The following PTPRG variants were observed in gnomAD, a reference collection of about 807,000 sequenced individuals.
PTPRG encodes receptor-type tyrosine-protein phosphatase gamma.
Under a neutral mutation model 165.3 loss-of-function variants are expected in PTPRG, and 102 were observed. The ratio of observed to expected loss-of-function variants is 0.62; its 90% CI spans 0.53 to 0.73. PTPRG has a LOEUF of 0.73. PTPRG is among the 30% of genes least tolerant of loss of function. PTPRG has a pLI of 0.00. For missense variants in PTPRG, 1,866 were observed against 1,861.4 expected, an observed-to-expected ratio of 1.00 and a Z score of -0.05; for synonymous variants, 675 against 669.5, an observed-to-expected ratio of 1.01 and a Z score of -0.13.
At chr3:61,649,187 T>C (rs1029194113) in intron 1 of PTPRG, among the ~76,000 whole-genome samples, 1 of 151,520 alleles carries the variant, frequency 6.6e-6, no homozygotes, top group African/African-American at 2.4e-5. Flanking sequence ...TTCCTTCCTT[T>C]TTCTATTTTC....
intron 5 of PTPRG, among the ~76,000 whole-genome samples, chr3:62,110,053 T>A (rs1178309322): frequency 6.6e-6 from 1 of 151,656 alleles, no homozygotes; most frequent in Non-Finnish European, 1.5e-5. Flanking sequence ...GTTTCTTCCT[T>A]GTTCAGTAGC....
At chr3:62,220,042 A>C (rs1409842667) in intron 13 of PTPRG, among the ~76,000 whole-genome samples, 1 of 152,232 alleles carries the variant, frequency 6.6e-6, no homozygotes, top group Non-Finnish European at 1.5e-5. Flanking sequence ...AGGGAACCAA[A>C]TGGGCTCCAC....
chr3:62,256,564 C>T (rs1209013053), intron 16 of PTPRG, among the ~76,000 whole-genome samples: 4 of 152,144 alleles, frequency 2.6e-5, no homozygotes, highest in Non-Finnish European at 4.4e-5. Flanking sequence ...TTAAGTCAAA[C>T]ATTTTGTATT....
intron 6 of PTPRG, among the ~76,000 whole-genome samples, chr3:62,154,857 G>C (rs1430445181): frequency 1.3e-5 from 2 of 152,154 alleles, no homozygotes; most frequent in Admixed American, 1.3e-4. Flanking sequence ...GAGACATGAA[G>C]GTGGTAGTTT....
chr3:62,282,818 T>A lies in PTPRG; in HGVS notation c.4004T>A (p.Val1335Asp), dbSNP rs749196641. ...PISSTFELIN[V>D]IKEEALTRDG... ...AGTAGTACCTTTGAACTTATCAACG[T>A]CATCAAGGAAGAGGCCTTAACAAGG... Residue 1335 changes from valine to aspartate, a missense_variant, in exon 28 of 30, where the codon GTC (valine) becomes GAC (aspartate). Val to Asp is a radical substitution (Grantham distance 152). Coordinates refer to ENST00000474889, the MANE Select transcript of PTPRG (RefSeq NM_002841.4). The A allele has an allele frequency of 1.2e-6, 2 of 1,611,938 alleles. No homozygotes were observed. The highest frequency in any genetic ancestry group is 2.2e-5 in the South Asian group (2 of 90,876).
At chr3:61,873,344 A>G (rs2037634619) in intron 2 of PTPRG, among the ~76,000 whole-genome samples, 1 of 152,202 alleles carries the variant, frequency 6.6e-6, no homozygotes. Flanking sequence ...ATCAGTGTGG[A>G]TACATTTTTA....
At chr3:62,059,172 C>A (rs1700725899) in intron 4 of PTPRG, among the ~76,000 whole-genome samples, 1 of 152,224 alleles carries the variant, frequency 6.6e-6, no homozygotes, top group South Asian at 2.1e-4. Flanking sequence ...AATAGTAACA[C>A]CCGCTATGTA....
rs187253327 is a variant in PTPRG, at chr3:61,939,340, A to T, written c.191-50285A>T. On this transcript the variant is annotated intron_variant, in intron 2 of 29. Transcript: ENST00000474889. ...TGCCTCCCATAAGCTTAGAAAGAGG[A>T]TGCTTACATAGCAAAACTGAGTAAA... is the stretch of plus-strand genomic sequence containing the variant. 4.1e-3 allele frequency among the ~76,000 whole-genome samples: 623 copies of T among 152,336 alleles called. 3 individuals carry two copies. Among genetic ancestry groups the T allele is most frequent in the Middle Eastern group, 0.014 (4 of 294 alleles).
intron 2 of PTPRG, among the ~76,000 whole-genome samples, chr3:61,852,444 T>C (rs1393041065): frequency 1.3e-5 from 2 of 152,336 alleles, no homozygotes; most frequent in African/African-American, 2.4e-5. Flanking sequence ...AAGACACAGA[T>C]CTATGTTTAG....
chr3:62,137,164 C>T (rs973432614), intron 6 of PTPRG, among the ~76,000 whole-genome samples: 2 of 152,070 alleles, frequency 1.3e-5, no homozygotes, highest in Admixed American at 1.3e-4. Context: ...TATCAACATC[C>T]ACTGGAGAAG....
At chr3:61,892,965 A>T (rs36050422) in intron 2 of PTPRG, among the ~76,000 whole-genome samples, 1 of 152,358 alleles carries the variant, frequency 6.6e-6, no homozygotes, top group Middle Eastern at 3.4e-3. Flanking sequence ...AAGAGTAGAT[A>T]CAATACAGCA....
intron 2 of PTPRG, chr3:61,925,961 C>G: frequency 2.1e-6 from 1 of 472,972 alleles, no homozygotes; most frequent in South Asian, 1.5e-5. Flanking sequence ...TAGCCTGGTT[C>G]TCTGACCAGC....
intron 4 of PTPRG, among the ~76,000 whole-genome samples, chr3:62,053,161 TG>T (rs1382741736): frequency 2.6e-5 from 4 of 152,168 alleles, no homozygotes; most frequent in Non-Finnish European, 4.4e-5. Flanking sequence ...TGTCATTTTT[TG>T]TGGTTTAATA....
rs1166498496 is a variant in PTPRG, at chr3:62,296,504, A to C, written c.*3197A>C. The C allele has an allele frequency of 1.3e-5, 2 of 152,090 alleles. No individual in the cohort carries two copies. The highest frequency in any genetic ancestry group is 2.4e-5 in the African/African-American group (1 of 41,502). The allele number at this position is 152,090 out of a possible 1,614,324, so 9.4% of individuals were successfully genotyped here. A position where few individuals can be genotyped will look rare whatever the true frequency, so the allele number is the denominator to read the frequency against. ...AATTCTAAGCAAAACTAAAAAAAAAACCCAACTCATCATAATTTAAGAATC... is the reference window on the plus strand; with the variant it reads ...AATTCTAAGCAAAACTAAAAAAAAACCCCAACTCATCATAATTTAAGAATC... On this transcript the variant is annotated 3_prime_UTR_variant, in exon 30 of 30. Transcript: ENST00000474889.
intron 17 of PTPRG, 158 bp downstream of exon 17, chr3:62,263,052 G>T (rs930911594): frequency 1.9e-5 from 11 of 574,420 alleles, no homozygotes; most frequent in Non-Finnish European, 3.3e-5. Context: ...GTAGAAGTTG[G>T]GACATTTTCT....
chr3:61,958,638 T>G (rs2040086359), intron 2 of PTPRG, among the ~76,000 whole-genome samples: 1 of 152,238 alleles, frequency 6.6e-6, no homozygotes, highest in East Asian at 1.9e-4. Flanking sequence ...CTGCCTTACA[T>G]AAGTTCTCTT....
At position 62,252,758 on chromosome 3, in the gene PTPRG, G is replaced by C. The variant is rs957514900; in HGVS notation, c.2468-2366G>C. On this transcript the variant is annotated intron_variant, in intron 15 of 29. Transcript: ENST00000474889. The surrounding 1 kb of genome is among the most constrained non-coding windows in gnomAD (Gnocchi z 4.6). The stretch of plus-strand genomic sequence containing the variant: ...TATATTCATCTCAGTATAAAGAAAA[G>C]AGATTTATGACTCCTCAGCTATTTA... Among the ~76,000 whole-genome samples the C allele has an allele frequency of 6.6e-6, 1 of 152,168 alleles. No individual in the cohort carries two copies. The highest frequency in any genetic ancestry group is 2.4e-5 in the African/African-American group (1 of 41,436).
At chr3:61,651,948 T>G (rs1048225782) in intron 1 of PTPRG, among the ~76,000 whole-genome samples, 6 of 151,930 alleles carry the variant, frequency 3.9e-5, no homozygotes, top group Admixed American at 2.0e-4. Context: ...AGGCTGAGGT[T>G]GTAGTGAGTA....
At chr3:61,952,605 G>A (rs935571903) in intron 2 of PTPRG, among the ~76,000 whole-genome samples, 1 of 152,010 alleles carries the variant, frequency 6.6e-6, no homozygotes, top group Non-Finnish European at 1.5e-5. Flanking sequence ...CCTCCTTGAC[G>A]CCGGAGTTCT....
Sources: allele counts gnomAD v4.1 joint callset (sites outside exome capture counted in the v4.1 genomes callset), GRCh38; gene constraint gnomAD v4.1.1; non-coding constraint Gnocchi (gnomAD v3.1); transcripts MANE v1.5; gene names NCBI Gene and HGNC (gene_info 2026-07-23, HGNC 2026-07-21).